PTPRG: variants seen among roughly 807,000 people sequenced by gnomAD.
PTPRG encodes the protein receptor-type tyrosine-protein phosphatase gamma.
A neutral mutation model predicts 165.3 loss-of-function variants in PTPRG; 102 were observed. The ratio of observed to expected loss-of-function variants is 0.62; its 90% confidence interval spans 0.53 to 0.73. The LOEUF (loss-of-function observed/expected upper bound fraction) is 0.73, where lower values mean the gene tolerates loss of function less well. PTPRG is among the 30% of genes least tolerant of loss of function. The probability of loss-of-function intolerance (pLI) is 0.00; values close to 1 mark genes in which losing one functional copy is unlikely to be tolerated. For missense variants in PTPRG, 1,866 were observed against 1,861.4 expected, an observed-to-expected ratio of 1.00 and a Z score of -0.05; for synonymous variants, 675 against 669.5, an observed-to-expected ratio of 1.01 and a Z score of -0.13.
At chr3:62,030,918 A>G (rs1027628602) in intron 4 of PTPRG, among the ~76,000 whole-genome samples, 2 of 152,224 alleles carry the variant, frequency 1.3e-5, no homozygotes, top group Admixed American at 1.3e-4. Flanking sequence ...GATTTAGTCA[A>G]TATGGATTTG....
At chr3:61,906,777 CTGTAGGTAGGTAGGTA>C (rs2038667106) in intron 2 of PTPRG, among the ~76,000 whole-genome samples, 1 of 141,138 alleles carries the variant, frequency 7.1e-6, no homozygotes, top group Non-Finnish European at 1.5e-5. Flanking sequence ...GAGTGAGACC[CTGTAGGTAGGTAGGTA>C]GGTAGGTAGG....
At chr3:61,771,288 A>G (rs571189562) in intron 2 of PTPRG, 2 of 152,156 alleles carry the variant, frequency 1.3e-5, no homozygotes, top group South Asian at 4.2e-4. Context: ...CTCTATGTTC[A>G]GCTCAAGTTT....
At chr3:61,604,869 G>A (rs927691094) in intron 1 of PTPRG, among the ~76,000 whole-genome samples, 2 of 152,098 alleles carry the variant, frequency 1.3e-5, no homozygotes, top group East Asian at 3.9e-4. Context: ...CAGGCAGGGT[G>A]CCCTGATATA....
chr3:61,611,424 A>T (rs1701163644), intron 1 of PTPRG, among the ~76,000 whole-genome samples: 1 of 152,136 alleles, frequency 6.6e-6, no homozygotes, highest in Non-Finnish European at 1.5e-5. Context: ...TACCATCTTG[A>T]CTGGTAAGTA....
intron 1 of PTPRG, among the ~76,000 whole-genome samples, chr3:61,688,497 G>C (rs1289469039): frequency 6.6e-6 from 1 of 152,186 alleles, no homozygotes; most frequent in Non-Finnish European, 1.5e-5. Context: ...CAGGTCTCAA[G>C]CTTTGTCGGT....
intron 17 of PTPRG, among the ~76,000 whole-genome samples, 155 bp from the exon 18 acceptor site, chr3:62,267,255 G>A (rs1283665586): frequency 6.6e-6 from 1 of 152,062 alleles, no homozygotes; most frequent in Non-Finnish European, 1.5e-5. Context: ...ATTTTGGGAT[G>A]GGTTTGAATG....
chr3:62,285,671 T>C (rs186182117), intron 28 of PTPRG, among the ~76,000 whole-genome samples: 2 of 152,266 alleles, frequency 1.3e-5, no homozygotes, highest in Admixed American at 1.3e-4. Flanking sequence ...CAGCATTCTA[T>C]TGTCAACTGT....
At chr3:61,680,590 A>G (rs575981937) in intron 1 of PTPRG, among the ~76,000 whole-genome samples, 4 of 79,056 alleles carry the variant, frequency 5.1e-5, no homozygotes, top group South Asian at 4.9e-4. Flanking sequence ...GAAGTTTTTC[A>G]TTCTGTCCTT....
chr3:61,830,566 G>GTTTTTTTTTTTTTTTTTTT (rs57644199), intron 2 of PTPRG, among the ~76,000 whole-genome samples: 1 of 86,496 alleles, frequency 1.2e-5, no homozygotes, highest in Non-Finnish European at 2.3e-5. Flanking sequence ...TTTTGTTTTT[G>GTTTTTTTTTTTTTTTTTTT]TTTTTTTTTT....
At chr3:61,775,765 A>T (rs182830879) in intron 2 of PTPRG, among the ~76,000 whole-genome samples, 1 of 152,148 alleles carries the variant, frequency 6.6e-6, no homozygotes, top group Admixed American at 6.5e-5. Flanking sequence ...CCATGAGTTC[A>T]TGTCCTTTGT....
chr3:62,061,922 G>C (rs538669781), intron 4 of PTPRG, among the ~76,000 whole-genome samples: 4 of 151,778 alleles, frequency 2.6e-5, no homozygotes, highest in South Asian at 2.1e-4. Flanking sequence ...GAGCCACTGC[G>C]CCCAGCTGCC....
chr3:62,120,394 A>C (rs1156755748), intron 5 of PTPRG, among the ~76,000 whole-genome samples: 1 of 152,238 alleles, frequency 6.6e-6, no homozygotes, highest in Admixed American at 6.5e-5. Context: ...GGTGGAATCA[A>C]AATAATTCCT....
Position 61,806,539 on chromosome 3 carries a change from T to G in PTPRG, c.190+57557T>G, listed in dbSNP as rs142879075. 5.4e-3 allele frequency among the ~76,000 whole-genome samples: 825 copies of G among 152,290 alleles called. 1 individual carries two copies. The highest frequency in any genetic ancestry group is 0.01 in the Middle Eastern group (3 of 294). On this transcript the variant is annotated intron_variant, in intron 2 of 29. Transcript: ENST00000474889. ...TCTTTTTGGTTTCTGATTTGTGGAT[T>G]TTCTTGTGATTTTTGTACTTCTGGA... is the stretch of plus-strand genomic sequence containing the variant.
At chr3:61,991,274 T>C (rs1488601091) in intron 3 of PTPRG, among the ~76,000 whole-genome samples, 1 of 152,178 alleles carries the variant, frequency 6.6e-6, no homozygotes, top group African/African-American at 2.4e-5. Flanking sequence ...GGCATGATCA[T>C]GGTTCACTGC....
intron 1 of PTPRG, among the ~76,000 whole-genome samples, chr3:61,563,187 C>CG (rs2106749781): frequency 6.6e-6 from 1 of 151,632 alleles, no homozygotes; most frequent in African/African-American, 2.4e-5. Context: ...GGTTGCTGTT[C>CG]GCGCCGGGGC....
At chr3:62,059,217 C>G (rs890460938) in intron 4 of PTPRG, among the ~76,000 whole-genome samples, 3 of 152,198 alleles carry the variant, frequency 2.0e-5, no homozygotes, top group Non-Finnish European at 4.4e-5. Flanking sequence ...CTAATCTTCA[C>G]GAAGCACATG....
At chr3:61,946,481 A>G (rs2039763761) in intron 2 of PTPRG, among the ~76,000 whole-genome samples, 1 of 152,202 alleles carries the variant, frequency 6.6e-6, no homozygotes, top group African/African-American at 2.4e-5. Flanking sequence ...CAAACCCCAC[A>G]GCCTACATTC....
In PTPRG at chr3:61,952,123, A is replaced by G. The variant is rs868526141; in HGVS notation, c.191-37502A>G. Among the ~76,000 whole-genome samples the G allele has an allele frequency of 6.1e-3, 907 of 148,632 alleles. 7 individuals carry two copies. The highest frequency in any genetic ancestry group is 0.022 in the African/African-American group (852 of 39,414). The stretch of plus-strand genomic sequence containing the variant: ...CAGATCGACACTCCACCTCAGAAAA[A>G]AAAAAAAAAAAAAAAAAAGACAGTA... On this transcript the variant is annotated intron_variant, in intron 2 of 29. Coordinates refer to ENST00000474889, the MANE Select transcript of PTPRG (RefSeq NM_002841.4).
chr3:61,628,917 G>A (rs1184293670), intron 1 of PTPRG, among the ~76,000 whole-genome samples: 1 of 152,122 alleles, frequency 6.6e-6, no homozygotes, highest in African/African-American at 2.4e-5. Flanking sequence ...TAAACACCCA[G>A]GTCTGTTTAA....
Sources: allele counts gnomAD v4.1 joint callset (sites outside exome capture counted in the v4.1 genomes callset), GRCh38; gene constraint gnomAD v4.1.1; transcripts MANE v1.5; gene names NCBI Gene and HGNC (gene_info 2026-07-23, HGNC 2026-07-21).